Variants in ERI1 observed in about 807,000 individuals in gnomAD.
The protein encoded by ERI1 is 3'-5' exoribonuclease 1.
ERI1 carries 39 observed loss-of-function variants against 39.7 expected under a neutral mutation model. That is an observed-to-expected ratio of 0.98 (90% CI 0.76 to 1.28). The LOEUF (loss-of-function observed/expected upper bound fraction) is 1.28, where lower values mean the gene tolerates loss of function less well. Ranked by LOEUF, ERI1 falls within the 50% of genes most tolerant of loss-of-function variation. ERI1 has a pLI of 0.00. For synonymous variants in ERI1, 204 were observed against 149.6 expected (o/e 1.36, Z -2.65); for missense variants, 581 against 416.9 (o/e 1.39, Z -3.43).
chr8:9,021,257 A>C (rs1030422997), intron 6 of ERI1, among the ~76,000 whole-genome samples: 2 of 152,222 alleles, frequency 1.3e-5, no homozygotes, highest in African/African-American at 2.4e-5. Flanking sequence ...GAGAACACTC[A>C]GGTAGTCTGT....
intron 3 of ERI1, among the ~76,000 whole-genome samples, chr8:9,013,410 T>A (rs1161872706): frequency 6.6e-6 from 1 of 152,018 alleles, no homozygotes; most frequent in Non-Finnish European, 1.5e-5. Context: ...TAACTTGTTC[T>A]GCTTGATTTT....
downstream of ERI1, among the ~76,000 whole-genome samples, chr8:9,037,083 A>T (rs1477296267): frequency 6.6e-6 from 1 of 152,182 alleles, no homozygotes; most frequent in Admixed American, 6.5e-5. Flanking sequence ...CTCTTCCTGT[A>T]TACCACTGTC....
chr8:9,012,163 TGATAA>T (rs1816742711), intron 3 of ERI1, among the ~76,000 whole-genome samples: 1 of 152,212 alleles, frequency 6.6e-6, no homozygotes, highest in South Asian at 2.1e-4. Flanking sequence ...CGGTCAGGCT[TGATAA>T]CCACCACTGT....
intron 3 of ERI1, among the ~76,000 whole-genome samples, chr8:9,090,423 A>T (rs910452847): frequency 6.6e-5 from 10 of 152,242 alleles, no homozygotes; most frequent in Non-Finnish European, 4.4e-5. Flanking sequence ...TCAGCAATGC[A>T]GATGAAGATC....
chr8:9,043,210 T>G (rs1798078492), intron 3 of ERI1, among the ~76,000 whole-genome samples: 1 of 152,214 alleles, frequency 6.6e-6, no homozygotes, highest in African/African-American at 2.4e-5. Flanking sequence ...AAAACACTTG[T>G]GTCTTCTTGA....
At chr8:9,092,516 G>C (rs890571309) in intron 3 of ERI1, among the ~76,000 whole-genome samples, 1 of 152,150 alleles carries the variant, frequency 6.6e-6, no homozygotes, top group Non-Finnish European at 1.5e-5. Flanking sequence ...CTCTTGTCAT[G>C]GGTAAACAGA....
intron 3 of ERI1, among the ~76,000 whole-genome samples, chr8:9,060,439 C>G (rs745328453): frequency 6.6e-5 from 10 of 151,208 alleles, no homozygotes; most frequent in Non-Finnish European, 1.0e-4. Flanking sequence ...TGATGTGTAG[C>G]GAAGGGAGGG....
chr8:9,097,382 G>A (rs1799908834), intron 3 of ERI1, among the ~76,000 whole-genome samples: 1 of 152,146 alleles, frequency 6.6e-6, no homozygotes, highest in South Asian at 2.1e-4. Flanking sequence ...ATCATTTAGG[G>A]CCAGGTGCGG....
At chr8:9,083,182 T>C (rs1416494328) in intron 3 of ERI1, among the ~76,000 whole-genome samples, 1 of 152,222 alleles carries the variant, frequency 6.6e-6, no homozygotes, top group East Asian at 1.9e-4. Flanking sequence ...TGTGCATTTG[T>C]CAGGGGGAAG....
intron 3 of ERI1, among the ~76,000 whole-genome samples, chr8:9,051,753 C>A (rs949568330): frequency 6.6e-6 from 1 of 151,544 alleles, no homozygotes; most frequent in Non-Finnish European, 1.5e-5. Flanking sequence ...ATGTTTAGAT[C>A]TTTGTAAGTG....
At chr8:9,013,042 A>G (rs989641109) in intron 3 of ERI1, among the ~76,000 whole-genome samples, 1 of 150,820 alleles carries the variant, frequency 6.6e-6, no homozygotes, top group African/African-American at 2.4e-5. Context: ...CTTTTTTAAG[A>G]TAGAGTCTTG....
intron 3 of ERI1, among the ~76,000 whole-genome samples, chr8:9,058,946 AG>A (rs756738263): frequency 9.2e-5 from 14 of 152,148 alleles, no homozygotes; most frequent in Non-Finnish European, 1.9e-4. Flanking sequence ...ACCACCAAAC[AG>A]GCTTTGTGTG....
chr8:9,004,214 A>C, intron 1 of ERI1: 1 of 1,276,978 alleles, frequency 7.8e-7, no homozygotes, highest in Non-Finnish European at 1.0e-6. Flanking sequence ...TTCAAAGAGT[A>C]CTTGCACATC....
At chr8:9,033,919 G>C (rs142542292), downstream of ERI1, among the ~76,000 whole-genome samples, 1,791 of 152,288 alleles carry the variant, frequency 0.012, 39 homozygotes, top group South Asian at 0.09. Flanking sequence ...CAAATCAGGA[G>C]GTAATTTGAT....
chr8:9,058,211 A>G (rs1465368138), intron 3 of ERI1, among the ~76,000 whole-genome samples: 1 of 152,188 alleles, frequency 6.6e-6, no homozygotes, highest in African/African-American at 2.4e-5. Context: ...GGAGCTGGTG[A>G]GTGAAAAGAT....
In ERI1 at chr8:9,033,275, T is replaced by C. The variant is rs1344412018; in HGVS notation, c.*3241T>C. On this transcript the variant is annotated 3_prime_UTR_variant, in exon 7 of 7. Transcript: ENST00000250263. ...ATTCCCTTTTGTTAATGGCTCAAAA[T>C]AATATTTTGTATAATACGAAAATTA... The C allele has an allele frequency of 6.6e-6, 1 of 152,198 alleles. No homozygotes were observed. Among genetic ancestry groups the C allele is most frequent in the Non-Finnish European group, 1.5e-5 (1 of 68,034 alleles). 9.4% of individuals were successfully genotyped at this position (152,198 alleles called of 1,614,324 possible).
At chr8:9,018,554 A>G (rs937745542) in intron 5 of ERI1, 148 bp downstream of exon 5, 1 of 532,706 alleles carries the variant, frequency 1.9e-6, no homozygotes, top group African/African-American at 1.9e-5. Context: ...CTTTCACCTA[A>G]GGATGAAAGA....
At chr8:9,043,373 T>G (rs949353996) in intron 3 of ERI1, among the ~76,000 whole-genome samples, 2 of 152,214 alleles carry the variant, frequency 1.3e-5, no homozygotes, top group East Asian at 3.9e-4. Flanking sequence ...ATCAGAGCTG[T>G]GCCTGGACCC....
intron 3 of ERI1, among the ~76,000 whole-genome samples, chr8:9,057,508 T>C (rs1198589749): frequency 6.6e-6 from 1 of 152,210 alleles, no homozygotes; most frequent in African/African-American, 2.4e-5. Context: ...AGTTGTTAAC[T>C]AGTGTGTGGT....
Sources: gnomAD v4.1 joint callset for allele counts (sites outside exome capture counted in the v4.1 genomes callset) on GRCh38, gnomAD v4.1.1 for gene constraint, MANE v1.5 for transcripts, NCBI Gene and HGNC (gene_info 2026-07-23, HGNC 2026-07-21) for gene names.